PLIN1: variants seen among roughly 807,000 people sequenced by gnomAD.
PLIN1 encodes the protein perilipin 1.
A neutral mutation model predicts 45.8 loss-of-function variants in PLIN1; 37 were observed. The ratio of observed to expected loss-of-function variants is 0.81; its 90% CI spans 0.62 to 1.06. The LOEUF (loss-of-function observed/expected upper bound fraction) is 1.06, where lower values mean the gene tolerates loss of function less well. PLIN1 is among the 50% of genes least tolerant of loss of function. The probability of loss-of-function intolerance (pLI) is 0.00; values close to 1 mark genes in which losing one functional copy is unlikely to be tolerated. For missense variants in PLIN1, 776 were observed against 716.5 expected, an observed-to-expected ratio of 1.08 and a Z score of -0.95; for synonymous variants, 340 against 309.2, an observed-to-expected ratio of 1.10 and a Z score of -1.05.
intron 2 of PLIN1, chr15:89,677,020 A>G: frequency 4.4e-6 from 1 of 228,236 alleles, no homozygotes; most frequent in Non-Finnish European, 8.8e-6. Flanking sequence ...ACAGCAGCAC[A>G]GGCTGTGCAC....
At chr15:89,676,422 T>C (rs1410235447) in intron 2 of PLIN1, among the ~76,000 whole-genome samples, 1 of 152,160 alleles carries the variant, frequency 6.6e-6, no homozygotes, top group African/African-American at 2.4e-5. Context: ...TGATTTTTTG[T>C]ATTTTTAGTA....
rs776927944 is a variant in PLIN1 at position 89,670,061 on chromosome 15, C to T, written c.517G>A (p.Ala173Thr). ...FAANTRAGRL[A>T]SGGADLALGS... is the part of the protein sequence containing the mutation. ...AAGGCCAAGTCGGCCCCTCCAGAAG[C>T]CAGTCGGCCAGCTCGAGTGTTGGCA... The change falls in exon 5 of 9, where the codon GCT becomes ACT. Residue 173 changes from alanine (A) to threonine (T), a missense_variant. Ala to Thr is a moderately conservative substitution (Grantham distance 58, BLOSUM62 0). Coordinates refer to ENST00000300055, the MANE Select transcript of PLIN1 (RefSeq NM_002666.5). 2 of 1,614,126 alleles carry T rather than the reference C, an allele frequency of 1.2e-6. No individual in the cohort carries two copies. Among genetic ancestry groups the T allele is most frequent in the South Asian group, 2.2e-5 (2 of 91,060 alleles).
At position 89,671,546 on chromosome 15, in the gene PLIN1, A is replaced by G. The variant is rs139271800; in HGVS notation, c.269T>C (p.Leu90Pro). 1,265 of 1,569,724 alleles carry G rather than the reference A, an allele frequency of 8.1e-4. 1 individual carries two copies. The highest frequency in any genetic ancestry group is 1.0e-3 in the Non-Finnish European group (1,201 of 1,156,816). Residue 90 changes from leucine (L) to proline (P), a missense_variant, in exon 4 of 9, where the codon CTG becomes CCG. Coordinates refer to ENST00000300055, the MANE Select transcript of PLIN1 (RefSeq NM_002666.5). ...CAGGTGGTCCAAGCCTCGGCAGGCC[A>G]GCTCATTGGCAGCTGTGACTGGAAG... Reference protein sequence around the residue: ...LSTQFTAANELACRGLDHLEE... With the variant: ...LSTQFTAANEPACRGLDHLEE...
intron 2 of PLIN1, among the ~76,000 whole-genome samples, chr15:89,674,329 T>C (rs765098416): frequency 2.6e-5 from 4 of 152,168 alleles, no homozygotes; most frequent in Non-Finnish European, 5.9e-5. Context: ...CCATCATAGT[T>C]CACTGTAACC....
At chr15:89,673,473 C>T (rs1964472024) in intron 2 of PLIN1, 59 bp from the exon 3 acceptor site, 1 of 1,413,066 alleles carries the variant, frequency 7.1e-7, no homozygotes, top group Admixed American at 2.0e-5. Flanking sequence ...TCCCGGGAAG[C>T]TGACCCCGGG....
intron 1 of PLIN1, among the ~76,000 whole-genome samples, chr15:89,678,509 C>CAAA (rs796189693): frequency 7.7e-6 from 1 of 129,888 alleles, no homozygotes; most frequent in African/African-American, 2.8e-5. Flanking sequence ...GACTCTGTCT[C>CAAA]AAAAAAAAAA....
In PLIN1 at chr15:89,671,524, G is replaced by A; in HGVS notation, c.291C>T (p.His97=). 2 of 1,577,108 alleles carry A rather than the reference G, an allele frequency of 1.3e-6. No homozygotes were observed. The highest frequency in any genetic ancestry group is 1.3e-5 in the African/African-American group (1 of 74,386). ...GGAGGGCGGGGATCTTTTCCTCCAG[G>A]TGGTCCAAGCCTCGGCAGGCCAGCT... ...ANELACRGLD[H]LEEKIPALQY... The change falls in exon 4 of 9, where the codon CAC becomes CAT. Residue 97 remains histidine, a synonymous_variant. Transcript: ENST00000300055.
At chr15:89,676,411 C>T (rs2141539534) in intron 2 of PLIN1, among the ~76,000 whole-genome samples, 2 of 152,212 alleles carry the variant, frequency 1.3e-5, no homozygotes, top group South Asian at 4.2e-4. Context: ...CCATACCCCG[C>T]TGATTTTTTG....
chr15:89,668,623 AT>A lies in PLIN1; in HGVS notation c.772-831del, dbSNP rs79035342. On this transcript the variant is annotated intron_variant, in intron 6 of 8. Coordinates refer to ENST00000300055, the MANE Select transcript of PLIN1 (RefSeq NM_002666.5). ...GGAGCCCCACAAACAGAGACTCCTT[AT>A]TACACAGCTTTTGGGGATGCCACTC... Among the ~76,000 whole-genome samples the A allele has an allele frequency of 1.6e-4, 25 of 152,306 alleles. No homozygotes were observed. In the East Asian group the frequency reaches 4.8e-3, roughly 29 times the overall value.
At chr15:89,674,272 A>G (rs1468976959) in intron 2 of PLIN1, among the ~76,000 whole-genome samples, 1 of 152,052 alleles carries the variant, frequency 6.6e-6, no homozygotes, top group Non-Finnish European at 1.5e-5. Context: ...ATTATTTTTT[A>G]TAGAGACAGG....
At chr15:89,666,065 T>G in intron 8 of PLIN1, 123 bp from the exon 9 acceptor site, 1 of 682,402 alleles carries the variant, frequency 1.5e-6, no homozygotes, top group East Asian at 3.7e-5. Flanking sequence ...GGACACAGGC[T>G]GGGGAGCGGT....
chr15:89,667,064 C>G lies in PLIN1; in HGVS notation c.1081G>C (p.Ala361Pro), dbSNP rs769521575. Residue 361 changes from alanine to proline, a missense_variant, in exon 8 of 9, where the codon GCA becomes CCA. Ala to Pro is a conservative substitution (Grantham distance 27). Transcript: ENST00000300055. The part of the protein sequence containing the change: ...TWAPAAVLGM[A>P]GRVLHLTPAP... ...GGTGTGAGGTGCAGCACCCTCCCTGCCATGCCCAGCACAGCTGCAGGTGCC... is the reference window on the plus strand; with the variant it reads ...GGTGTGAGGTGCAGCACCCTCCCTGGCATGCCCAGCACAGCTGCAGGTGCC... The G allele has an allele frequency of 6.2e-7, 1 of 1,614,140 alleles. No individual in the cohort carries two copies.
rs1410737766 is a variant in PLIN1, at chr15:89,664,841, G to C, written c.*742C>G. On this transcript the variant is annotated 3_prime_UTR_variant, in exon 9 of 9. Coordinates refer to ENST00000300055, the MANE Select transcript of PLIN1 (RefSeq NM_002666.5). ...GGGATGAACTGTGGCTATACATAAAGTCTATATATCATCACCATTTTGGTT... is the reference window on the plus strand; with the variant it reads ...GGGATGAACTGTGGCTATACATAAACTCTATATATCATCACCATTTTGGTT... 2.0e-5 allele frequency: 9 copies of C among 455,936 alleles called. No homozygotes were observed. Among genetic ancestry groups the C allele is most frequent in the Non-Finnish European group, 4.0e-5 (9 of 226,798 alleles). 28.2% of individuals were successfully genotyped at this position (455,936 alleles called of 1,614,324 possible).
chr15:89,666,838 G>T (rs541990659), intron 8 of PLIN1, 98 bp downstream of exon 8: 6 of 1,406,828 alleles, frequency 4.3e-6, no homozygotes, highest in Middle Eastern at 2.0e-4. Context: ...AGGAGTAGGG[G>T]AAAGGAGGGG....
intron 2 of PLIN1, among the ~76,000 whole-genome samples, chr15:89,674,127 G>A (rs561734995): frequency 2.7e-4 from 41 of 152,238 alleles, no homozygotes; most frequent in South Asian, 6.2e-4. Flanking sequence ...GTGAACCACA[G>A]TCAGGGCTGT....
Position 89,674,736 on chromosome 15 carries a change from G to T in PLIN1, c.46-1322C>A, listed in dbSNP as rs1010856543. On this transcript the variant is annotated intron_variant, in intron 2 of 8. Coordinates refer to ENST00000300055, the MANE Select transcript of PLIN1 (RefSeq NM_002666.5). ...CCTTCACATATTTGAAGTCAAATAT[G>T]TCTCCCTTTAGAAGTGCCGCCATCA... Among the ~76,000 whole-genome samples, 43 of 152,082 alleles carry T rather than the reference G, an allele frequency of 2.8e-4. 1 individual carries two copies. The highest frequency in any genetic ancestry group is 1.5e-5 in the Non-Finnish European group (1 of 68,032).
intron 4 of PLIN1, 104 bp downstream of exon 4, chr15:89,671,378 G>C (rs565563437): frequency 1.2e-6 from 1 of 837,126 alleles, no homozygotes; most frequent in South Asian, 1.5e-5. Context: ...GCTCACCATG[G>C]GACACAGACT....
At chr15:89,678,976 G>T (rs1052711108) in intron 1 of PLIN1, among the ~76,000 whole-genome samples, 1 of 151,980 alleles carries the variant, frequency 6.6e-6, no homozygotes, top group African/African-American at 2.4e-5. Flanking sequence ...CTCTCATGTA[G>T]CTGGGACTAC....
rs1057239907 is a variant in PLIN1 at position 89,664,636 on chromosome 15, C to T, written c.*947G>A. 18 of 338,820 alleles carry T rather than the reference C, an allele frequency of 5.3e-5. No individual in the cohort carries two copies. In the East Asian group the frequency reaches 7.9e-4, roughly 15 times the overall value. The allele number at this position is 338,820 out of a possible 1,614,324, so 21.0% of individuals were successfully genotyped here. A position where few individuals can be genotyped will look rare whatever the true frequency, so the allele number is the denominator to read the frequency against. ...AACACAAGCGGGGAGTGCATACACA[C>T]GTGCCTGCAGGTGCATAGCCCTGCA... On this transcript the variant is annotated 3_prime_UTR_variant, in exon 9 of 9. Coordinates refer to ENST00000300055, the MANE Select transcript of PLIN1 (RefSeq NM_002666.5).
Sources: gnomAD v4.1 joint callset for allele counts (sites outside exome capture counted in the v4.1 genomes callset) on GRCh38, gnomAD v4.1.1 for gene constraint, MANE v1.5 for transcripts, NCBI Gene and HGNC (gene_info 2026-07-23, HGNC 2026-07-21) for gene names.